Variants in INTS2 observed in about 807,000 individuals in gnomAD.
INTS2 encodes KIAA1287.
A neutral mutation model predicts 139.6 loss-of-function variants in INTS2; 57 were observed. That is an observed-to-expected ratio of 0.41 (90% CI 0.33 to 0.51). INTS2 has a LOEUF of 0.51. Among genes scored for constraint, INTS2 ranks in the 20% least tolerant of loss-of-function variants. INTS2 has a pLI of 0.28. For missense variants in INTS2, 1,196 were observed against 1,436.7 expected (o/e 0.83, Z 2.71); for synonymous variants, 473 against 493.4 (o/e 0.96, Z 0.55).
chr17:61,877,685 T>C (rs1015212704), intron 18 of INTS2, among the ~76,000 whole-genome samples: 1 of 152,224 alleles, frequency 6.6e-6, no homozygotes, highest in African/African-American at 2.4e-5. Flanking sequence ...AGAAATACTG[T>C]AAGGTTTCTA....
chr17:61,906,830 C>CAAAAAAAAAAAAAAAAA (rs60672452), intron 8 of INTS2, among the ~76,000 whole-genome samples: 1 of 101,922 alleles, frequency 9.8e-6, no homozygotes. Context: ...ACTAAAAATA[C>CAAAAAAAAAAAAAAAAA]AAAAAAAAAA....
chr17:61,883,082 T>C (rs1290855077), intron 16 of INTS2, among the ~76,000 whole-genome samples: 2 of 152,188 alleles, frequency 1.3e-5, no homozygotes, highest in African/African-American at 4.8e-5. Context: ...GGAGTATATA[T>C]ACAGTTAAAA....
chr17:61,914,352 T>C (rs1272758576), intron 5 of INTS2, among the ~76,000 whole-genome samples: 1 of 151,510 alleles, frequency 6.6e-6, no homozygotes, highest in Non-Finnish European at 1.5e-5. Flanking sequence ...AGCCCAGGAG[T>C]CTGAGACAGC....
chr17:61,872,174 T>G lies in INTS2; in HGVS notation c.2778+91A>C. 1.5e-6 allele frequency: 1 copy of G among 680,602 alleles called. No individual in the cohort carries two copies. Among genetic ancestry groups the G allele is most frequent in the Admixed American group, 2.7e-5 (1 of 36,674 alleles). The allele number at this position is 680,602 out of a possible 1,614,324, so 42.2% of individuals were successfully genotyped here. A position where few individuals can be genotyped will look rare whatever the true frequency, so the allele number is the denominator to read the frequency against. The stretch of plus-strand genomic sequence containing the variant: ...ATGCACAATATGTCACCAATGTACA[T>G]GGAGCGCACAATGTGCCATCTATTG... On this transcript the variant is annotated intron_variant, in intron 20 of 24. Coordinates refer to ENST00000251334, the MANE Select transcript of INTS2 (RefSeq NM_001351695.2). The surrounding 1 kb of genome is among the most constrained non-coding windows in gnomAD (Gnocchi z 4.8).
intron 3 of INTS2, among the ~76,000 whole-genome samples, chr17:61,922,081 A>G (rs1603384268): frequency 6.6e-6 from 1 of 152,224 alleles, no homozygotes; most frequent in East Asian, 1.9e-4. Flanking sequence ...AACTGGAATT[A>G]AAGGATAAGG....
In INTS2 at chr17:61,911,968, G is replaced by A. The variant is rs1461817978; in HGVS notation, c.752C>T (p.Ser251Phe). The A allele has an allele frequency of 6.2e-7, 1 of 1,613,104 alleles. No homozygotes were observed. The highest frequency in any genetic ancestry group is 1.3e-5 in the African/African-American group (1 of 74,870). ...ALRFLCKMNPSQALKVRGMVV... is the reference protein window; with the variant it reads ...ALRFLCKMNPFQALKVRGMVV... ...CATGCCTCGGACCTTGAGGGCCTGAGAAGGATTCATTTTACACAAGAAGCG... is the reference window on the plus strand; with the variant it reads ...CATGCCTCGGACCTTGAGGGCCTGAAAAGGATTCATTTTACACAAGAAGCG... Residue 251 changes from serine to phenylalanine, a missense_variant, in exon 6 of 25, where the codon TCT becomes TTT. Coordinates refer to ENST00000251334, the MANE Select transcript of INTS2 (RefSeq NM_001351695.2).
At chr17:61,913,906 AT>A (rs2079551727) in intron 5 of INTS2, among the ~76,000 whole-genome samples, 1 of 152,146 alleles carries the variant, frequency 6.6e-6, no homozygotes, top group African/African-American at 2.4e-5. Flanking sequence ...AGTAATAACA[AT>A]TTGCTCTAAG....
chr17:61,867,550 T>G lies in INTS2; in HGVS notation c.*7A>C. 8.9e-6 allele frequency: 14 copies of G among 1,577,992 alleles called. No individual in the cohort carries two copies. Among genetic ancestry groups the G allele is most frequent in the Non-Finnish European group, 1.2e-5 (14 of 1,157,658 alleles). On this transcript the variant is annotated 3_prime_UTR_variant, in exon 25 of 25. Transcript: ENST00000251334. The surrounding 1 kb of genome is among the most constrained non-coding windows in gnomAD (Gnocchi z 5.6). ...GCAAACAACTTTTTGTTGTTTTAAA[T>G]TTTGTTTTAAATTCCACTAACACTC...
intron 5 of INTS2, among the ~76,000 whole-genome samples, chr17:61,914,702 CA>C (rs58141533): frequency 0.062 from 3,052 of 49,372 alleles, 77 homozygotes; most frequent in African/African-American, 0.18. Flanking sequence ...GACTCCGTCT[CA>C]AAAAAAAAAA....
intron 3 of INTS2, among the ~76,000 whole-genome samples, chr17:61,923,343 G>T (rs972366974): frequency 6.6e-6 from 1 of 151,478 alleles, no homozygotes; most frequent in African/African-American, 2.4e-5. Flanking sequence ...CAGGCATGGT[G>T]GCGGGCACCT....
chr17:61,869,436 G>C lies in INTS2; in HGVS notation c.3031-56C>G. On this transcript the variant is annotated intron_variant, in intron 21 of 24. Coordinates refer to ENST00000251334, the MANE Select transcript of INTS2 (RefSeq NM_001351695.2). This position sits in a 1 kb window ranked among gnomAD's most constrained non-coding sequence, Gnocchi z 5.4. ...GAAATAAAATAACTATAAAAGTACA[G>C]ATAAAAATACAAATGAAAGATTTCA... The C allele has an allele frequency of 8.3e-7, 1 of 1,204,254 alleles. No individual in the cohort carries two copies. Among genetic ancestry groups the C allele is most frequent in the African/African-American group, 1.5e-5 (1 of 65,352 alleles). The allele number at this position is 1,204,254 out of a possible 1,614,324, so 74.6% of individuals were successfully genotyped here. A position where few individuals can be genotyped will look rare whatever the true frequency, so the allele number is the denominator to read the frequency against.
intron 9 of INTS2, among the ~76,000 whole-genome samples, chr17:61,902,721 A>G (rs1244120470): frequency 6.6e-6 from 1 of 151,762 alleles, no homozygotes; most frequent in Non-Finnish European, 1.5e-5. Context: ...AAAAAAAAAA[A>G]TTCTCCAGGG....
In INTS2 at chr17:61,926,642, CATT is replaced by C; in HGVS notation, c.-1_2del. 6.2e-7 allele frequency: 1 copy of C among 1,605,880 alleles called. No homozygotes were observed. The highest frequency in any genetic ancestry group is 8.5e-7 in the Non-Finnish European group (1 of 1,175,628). On this transcript the variant is annotated start_lost and start_retained_variant and 5_prime_UTR_variant, in exon 2 of 25. Coordinates refer to ENST00000251334, the MANE Select transcript of INTS2 (RefSeq NM_001351695.2). ...CAAACTGAAGACTTGTACATTCAGT[CATT>C]ATTACTGTTTGTTGATCCTAATGGT...
rs769335124 is a variant in INTS2 at position 61,927,734 on chromosome 17, G to A, written c.-99C>T. 1.1e-5 allele frequency: 16 copies of A among 1,466,550 alleles called. No individual in the cohort carries two copies. The highest frequency in any genetic ancestry group is 1.3e-5 in the Non-Finnish European group (14 of 1,111,824). 90.8% of individuals were successfully genotyped at this position (1,466,550 alleles called of 1,614,324 possible). A position where few individuals can be genotyped will look rare whatever the true frequency, so the allele number is the denominator to read the frequency against. ...GCGGGACGCGGCAGAAATCGAGAGCGCGGTCCGATGTTGGGCCTAGGCGAT... is the reference window on the plus strand; with the variant it reads ...GCGGGACGCGGCAGAAATCGAGAGCACGGTCCGATGTTGGGCCTAGGCGAT... On this transcript the variant is annotated 5_prime_UTR_variant, in exon 1 of 25. Coordinates refer to ENST00000251334, the MANE Select transcript of INTS2 (RefSeq NM_001351695.2).
intron 6 of INTS2, 47 bp downstream of exon 6, chr17:61,911,893 G>T (rs1415308235): frequency 6.3e-7 from 1 of 1,580,010 alleles, no homozygotes; most frequent in Non-Finnish European, 8.6e-7. Context: ...AAGAGTTCTT[G>T]GACCTAATAT....
In INTS2 at chr17:61,919,436, GAC is replaced by G; in HGVS notation, c.611_612del (p.Cys204SerfsTer8). Reference sequence around the variant, plus strand: ...CTATCAGGAACATTGGCCACCAAGAGACACAAGAACCAGGCACCATTTCTAAC... The same window carrying G: ...CTATCAGGAACATTGGCCACCAAGAGACAAGAACCAGGCACCATTTCTAAC... Reference protein sequence around the residue: ...LHVRNGAWFLCLLVANVPDSF... With the variant: ...LHVRNGAWFLXLLVANVPDSF... On this transcript the variant is annotated frameshift_variant, in exon 5 of 25. Coordinates refer to ENST00000251334, the MANE Select transcript of INTS2 (RefSeq NM_001351695.2). LOFTEE classifies it high-confidence loss of function. 6.3e-7 allele frequency: 1 copy of G among 1,597,778 alleles called. No individual in the cohort carries two copies. Among genetic ancestry groups the G allele is most frequent in the Non-Finnish European group, 8.5e-7 (1 of 1,170,052 alleles).
intron 3 of INTS2, 33 bp downstream of exon 3, chr17:61,924,928 G>A: frequency 6.3e-7 from 1 of 1,599,484 alleles, no homozygotes; most frequent in Non-Finnish European, 8.5e-7. Context: ...ATCAAATCAT[G>A]CATACTTTGA....
chr17:61,917,242 C>T (rs1216995791), intron 5 of INTS2, among the ~76,000 whole-genome samples: 1 of 152,148 alleles, frequency 6.6e-6, no homozygotes, highest in African/African-American at 2.4e-5. Context: ...TCTCAAAGAA[C>T]TTAAAACAGA....
Position 61,867,527 on chromosome 17 carries a change from A to T in INTS2, c.*30T>A, listed in dbSNP as rs774354018. On this transcript the variant is annotated 3_prime_UTR_variant, in exon 25 of 25. Transcript: ENST00000251334. This position sits in a 1 kb window ranked among gnomAD's most constrained non-coding sequence, Gnocchi z 5.6. ...CAGATTCATGTTGGGTATATGCAGC[A>T]AACAACTTTTTGTTGTTTTAAATTT... The T allele has an allele frequency of 6.7e-7, 1 of 1,499,484 alleles. No individual in the cohort carries two copies. Among genetic ancestry groups the T allele is most frequent in the South Asian group, 1.2e-5 (1 of 84,600 alleles). 92.9% of individuals were successfully genotyped at this position (1,499,484 alleles called of 1,614,324 possible).
Sources: allele counts gnomAD v4.1 joint callset (sites outside exome capture counted in the v4.1 genomes callset), GRCh38; gene constraint gnomAD v4.1.1; non-coding constraint Gnocchi (gnomAD v3.1); transcripts MANE v1.5; gene names NCBI Gene and HGNC (gene_info 2026-07-23, HGNC 2026-07-21).